The following SIPA1L1 variants were observed in gnomAD, a reference collection of about 807,000 sequenced individuals.
SIPA1L1 encodes the protein signal-induced proliferation-associated 1-like protein 1.
SIPA1L1 carries 26 observed loss-of-function variants against 162.7 expected under a neutral mutation model. The observed-to-expected ratio is 0.16, with a 90% CI of 0.12 to 0.22. The LOEUF (loss-of-function observed/expected upper bound fraction) is 0.22. Among genes scored for constraint, SIPA1L1 ranks in the 10% least tolerant of loss-of-function variants. The pLI is 1.00. For missense variants in SIPA1L1, 1,874 were observed against 2,241.0 expected (o/e 0.84, Z 3.31); for synonymous variants, 829 against 837.4 (o/e 0.99, Z 0.17).
chr14:71,467,248 G>A (rs900938046), intron 2 of SIPA1L1: 19 of 152,268 alleles, frequency 1.2e-4, no homozygotes, highest in African/African-American at 4.3e-4. Context: ...CTATTTACAG[G>A]TAAAGAACTC....
intron 2 of SIPA1L1, among the ~76,000 whole-genome samples, chr14:71,332,363 C>G (rs1218652149): frequency 6.6e-6 from 1 of 152,100 alleles, no homozygotes; most frequent in Admixed American, 6.5e-5. Context: ...TTCCTCTCCT[C>G]TAGTTGGATT....
intron 7 of SIPA1L1, among the ~76,000 whole-genome samples, chr14:71,632,026 C>T (rs952500489): frequency 1.4e-4 from 22 of 152,088 alleles, no homozygotes; most frequent in Admixed American, 6.5e-4. Flanking sequence ...TATTGCAGAC[C>T]GGCCCATCCA....
chr14:71,710,750 G>C (rs753783183), intron 17 of SIPA1L1, among the ~76,000 whole-genome samples: 2 of 149,490 alleles, frequency 1.3e-5, no homozygotes, highest in Non-Finnish European at 3.0e-5. Context: ...AGAGGTTGCG[G>C]TGAGCCAAGA....
chr14:71,440,128 C>CTGGG (rs2044718444), intron 2 of SIPA1L1, among the ~76,000 whole-genome samples: 1 of 152,174 alleles, frequency 6.6e-6, no homozygotes, highest in Admixed American at 6.5e-5. Context: ...CAGGTTGAAG[C>CTGGG]AATTTTCATG....
At chr14:71,459,159 T>G (rs1246193657) in intron 2 of SIPA1L1, among the ~76,000 whole-genome samples, 2 of 152,248 alleles carry the variant, frequency 1.3e-5, no homozygotes, top group Non-Finnish European at 2.9e-5. Context: ...CTGTGAGCAT[T>G]ATATTTCTCA....
At chr14:71,594,562 A>G (rs117779258) in intron 5 of SIPA1L1, among the ~76,000 whole-genome samples, 209 of 152,312 alleles carry the variant, frequency 1.4e-3, no homozygotes, top group Non-Finnish European at 2.5e-3. Flanking sequence ...ACAGTTTTAG[A>G]TTTCAGATAA....
intron 2 of SIPA1L1, among the ~76,000 whole-genome samples, chr14:71,443,598 C>G (rs2141283506): frequency 6.6e-6 from 1 of 152,280 alleles, no homozygotes; most frequent in Middle Eastern, 3.4e-3. Flanking sequence ...AGTGTGCTTC[C>G]AGGAGCCCTT....
intron 4 of SIPA1L1, among the ~76,000 whole-genome samples, chr14:71,568,837 G>A (rs142113121): frequency 2.0e-5 from 3 of 152,262 alleles, no homozygotes; most frequent in African/African-American, 2.4e-5. Flanking sequence ...AATGTGTGTC[G>A]GAAGAATGCA....
At chr14:71,335,242 C>T (rs1230368314) in intron 2 of SIPA1L1, among the ~76,000 whole-genome samples, 1 of 152,136 alleles carries the variant, frequency 6.6e-6, no homozygotes, top group Non-Finnish European at 1.5e-5. Flanking sequence ...GCGGAGCTTG[C>T]AGTGAGCCAA....
rs1462797512 is a variant in SIPA1L1, at chr14:71,431,936, T to C, written c.-464-80807T>C. Among the ~76,000 whole-genome samples, 4 of 152,106 alleles carry C rather than the reference T, an allele frequency of 2.6e-5. 1 individual carries two copies. Among genetic ancestry groups the C allele is most frequent in the African/African-American group, 9.7e-5 (4 of 41,418 alleles). On this transcript the variant is annotated intron_variant, in intron 2 of 23. Transcript: ENST00000381232. ...GATACAGGGAAATTGTCTATTTTTA[T>C]GCTTAGGTTCAACAGAGTATAGACA...
At chr14:71,572,151 A>G (rs773616422) in intron 4 of SIPA1L1, among the ~76,000 whole-genome samples, 4 of 152,074 alleles carry the variant, frequency 2.6e-5, no homozygotes, top group Non-Finnish European at 5.9e-5. Flanking sequence ...TACTCCCATG[A>G]TAGCCCATTA....
chr14:71,321,836 C>T (rs192555027), intron 2 of SIPA1L1: 64 of 152,220 alleles, frequency 4.2e-4, no homozygotes, highest in African/African-American at 1.5e-3. Context: ...CTAGGTGGAC[C>T]AGTAATCGTG....
chr14:71,550,353 C>T (rs1238167300), intron 4 of SIPA1L1, among the ~76,000 whole-genome samples: 2 of 152,062 alleles, frequency 1.3e-5, no homozygotes, highest in Non-Finnish European at 2.9e-5. Flanking sequence ...AGGAGAGGAC[C>T]TCAGAAAAGG....
intron 4 of SIPA1L1, chr14:71,573,925 A>T (rs967424745): frequency 6.1e-6 from 2 of 330,308 alleles, no homozygotes; most frequent in African/African-American, 4.3e-5. Flanking sequence ...AATTTTTCTT[A>T]GTTCAACATA....
chr14:71,448,835 C>G (rs1402601028), intron 2 of SIPA1L1: 1 of 152,428 alleles, frequency 6.6e-6, no homozygotes, highest in East Asian at 1.9e-4. Flanking sequence ...GGGGGACCAC[C>G]AGATTGCCTA....
At chr14:71,647,602 C>A (rs961621382) in intron 7 of SIPA1L1, among the ~76,000 whole-genome samples, 7 of 152,126 alleles carry the variant, frequency 4.6e-5, no homozygotes, top group Non-Finnish European at 1.0e-4. Context: ...ACTTAAAGCC[C>A]CTTCCTGTCT....
At chr14:71,445,698 A>T (rs2045293945) in intron 2 of SIPA1L1, among the ~76,000 whole-genome samples, 1 of 152,216 alleles carries the variant, frequency 6.6e-6, no homozygotes, top group Admixed American at 6.5e-5. Flanking sequence ...TAACATTTGG[A>T]TGACAAATAT....
intron 5 of SIPA1L1, among the ~76,000 whole-genome samples, chr14:71,608,572 C>T (rs1408288091): frequency 6.6e-6 from 1 of 151,944 alleles, no homozygotes; most frequent in East Asian, 1.9e-4. Flanking sequence ...TGACCATTTG[C>T]AAACCAAATG....
chr14:71,560,106 T>A (rs181454387), intron 4 of SIPA1L1, among the ~76,000 whole-genome samples: 8 of 152,380 alleles, frequency 5.3e-5, no homozygotes, highest in Admixed American at 3.3e-4. Flanking sequence ...AACTTCTGTT[T>A]AAACTTTATC....
Sources: gnomAD v4.1 joint callset for allele counts (sites outside exome capture counted in the v4.1 genomes callset) on GRCh38, gnomAD v4.1.1 for gene constraint, MANE v1.5 for transcripts, NCBI Gene and HGNC (gene_info 2026-07-23, HGNC 2026-07-21) for gene names.